SIAH1: variants seen among roughly 807,000 people sequenced by gnomAD.
SIAH1 encodes E3 ubiquitin-protein ligase SIAH1.
SIAH1 carries 2 observed loss-of-function variants against 20.0 expected under a neutral mutation model. That is an observed-to-expected ratio of 0.10 (90% CI 0.04 to 0.31). SIAH1 has a LOEUF of 0.31. Among genes scored for constraint, SIAH1 ranks in the 10% least tolerant of loss-of-function variants. SIAH1 has a pLI of 1.00. For missense variants in SIAH1, 119 were observed against 355.3 expected (o/e 0.33, Z 5.35); for synonymous variants, 118 against 125.3 (o/e 0.94, Z 0.39).
In SIAH1 at chr16:48,381,409, A is replaced by T. The variant is rs140943133; in HGVS notation, c.-3+3795T>A. On this transcript the variant is annotated intron_variant, in intron 1 of 1. Transcript: ENST00000394725. ...CCAGCAATCACATTCCTTGGCATTTACCCAAAGGAGTTACAAACTCATGGC... is the reference window on the plus strand; with the variant it reads ...CCAGCAATCACATTCCTTGGCATTTTCCCAAAGGAGTTACAAACTCATGGC... Among the ~76,000 whole-genome samples the T allele has an allele frequency of 1.9e-3, 292 of 152,310 alleles. 1 individual carries two copies. The highest frequency in any genetic ancestry group is 6.7e-3 in the African/African-American group (279 of 41,574).
chr16:48,386,381 C>G (rs955090218), upstream of SIAH1, among the ~76,000 whole-genome samples: 4 of 152,112 alleles, frequency 2.6e-5, no homozygotes, highest in Admixed American at 2.0e-4. Context: ...GTGGTGCACG[C>G]CTGTAGTCCC....
intron 1 of SIAH1, among the ~76,000 whole-genome samples, chr16:48,375,075 G>A (rs935247252): frequency 3.9e-5 from 6 of 152,300 alleles, no homozygotes; most frequent in African/African-American, 7.2e-5. Context: ...ACTTGAACCC[G>A]GGCACGGAGG....
chr16:48,374,801 T>C (rs1961064653), intron 1 of SIAH1, among the ~76,000 whole-genome samples: 1 of 152,180 alleles, frequency 6.6e-6, no homozygotes, highest in Admixed American at 6.5e-5. Flanking sequence ...AATCAGTTTA[T>C]TACATGGCTC....
chr16:48,365,278 C>T, intron 1 of SIAH1: 1 of 1,138,854 alleles, frequency 8.8e-7, no homozygotes. Context: ...CTGAGAACCT[C>T]GGAAACGTCT....
chr16:48,374,153 CTTA>C (rs1489955700), intron 1 of SIAH1, among the ~76,000 whole-genome samples: 2 of 152,150 alleles, frequency 1.3e-5, no homozygotes, highest in South Asian at 2.1e-4. Flanking sequence ...ACATAATTCA[CTTA>C]TTATTTTTTA....
rs79073186 is a variant in SIAH1, at chr16:48,370,805, C to CAAAAA, written c.-2-8380_-2-8376dup. On this transcript the variant is annotated intron_variant, in intron 1 of 1. Coordinates refer to ENST00000394725, the MANE Select transcript of SIAH1 (RefSeq NM_003031.4). ...TGGGCGACAGAGCAAGACTCCATCT[C>CAAAAA]AAAAAAAAAAAAAACAAATTTCAAG... Among the ~76,000 whole-genome samples, 351 of 125,316 alleles carry CAAAAA rather than the reference C, an allele frequency of 2.8e-3. 5 individuals are homozygous for CAAAAA. The highest frequency in any genetic ancestry group is 9.8e-3 in the African/African-American group (334 of 34,132). 82.2% of individuals were successfully genotyped at this position (125,316 alleles called of 152,430 possible). A position where few individuals can be genotyped will look rare whatever the true frequency, so the allele number is the denominator to read the frequency against.
At chr16:48,377,033 C>T (rs1003616306) in intron 1 of SIAH1, among the ~76,000 whole-genome samples, 4 of 152,198 alleles carry the variant, frequency 2.6e-5, no homozygotes, top group African/African-American at 4.8e-5. Context: ...TCAACCATCA[C>T]TAGACCAAGG....
intron 1 of SIAH1, among the ~76,000 whole-genome samples, chr16:48,383,927 C>T (rs1567378817): frequency 6.6e-6 from 1 of 152,184 alleles, no homozygotes; most frequent in African/African-American, 2.4e-5. Context: ...TTGTTGAGAA[C>T]TTAGTATGGG....
At chr16:48,364,940 T>C (rs2151046759) in intron 1 of SIAH1, 1 of 157,252 alleles carries the variant, frequency 6.4e-6, no homozygotes, top group Non-Finnish European at 1.4e-5. Flanking sequence ...TAGTTATACA[T>C]TTATCAACAA....
intron 1 of SIAH1, among the ~76,000 whole-genome samples, chr16:48,367,459 C>T (rs1244997495): frequency 2.6e-5 from 4 of 152,208 alleles, no homozygotes; most frequent in Non-Finnish European, 1.5e-5. Context: ...GTCATCTACA[C>T]TTGGATTCAG....
At chr16:48,379,284 T>G (rs1961195089) in intron 1 of SIAH1, among the ~76,000 whole-genome samples, 1 of 152,204 alleles carries the variant, frequency 6.6e-6, no homozygotes, top group Non-Finnish European at 1.5e-5. Context: ...ACTTAATAAC[T>G]GTTCATGTAC....
intron 1 of SIAH1, among the ~76,000 whole-genome samples, chr16:48,373,670 C>G (rs1257404762): frequency 6.6e-6 from 1 of 152,172 alleles, no homozygotes; most frequent in Admixed American, 6.5e-5. Flanking sequence ...ATGTTCTGAG[C>G]ACAGCAATTA....
intron 1 of SIAH1, chr16:48,365,718 A>C: frequency 7.0e-7 from 1 of 1,421,606 alleles, no homozygotes; most frequent in Non-Finnish European, 9.2e-7. Context: ...TGGGAGCCAC[A>C]GCTGCGCTGT....
At chr16:48,381,356 C>G (rs1370138813) in intron 1 of SIAH1, among the ~76,000 whole-genome samples, 5 of 152,122 alleles carry the variant, frequency 3.3e-5, no homozygotes, top group Non-Finnish European at 7.4e-5. Flanking sequence ...AAAACAGCAG[C>G]AAAACAACTA....
At chr16:48,380,927 T>TAAAAAAAA (rs1250709045) in intron 1 of SIAH1, among the ~76,000 whole-genome samples, 1 of 804 alleles carries the variant, frequency 1.2e-3, no homozygotes, top group African/African-American at 6.3e-3. Context: ...AGACTCCGTC[T>TAAAAAAAA]CAAAAAAAAA....
chr16:48,363,524 C>A (rs1163229555), intron 1 of SIAH1: 1 of 166,992 alleles, frequency 6.0e-6, no homozygotes, highest in African/African-American at 2.4e-5. Context: ...GAAAGTATAT[C>A]TTTCTGTTCT....
intron 1 of SIAH1, among the ~76,000 whole-genome samples, chr16:48,375,043 T>C (rs570548255): frequency 1.2e-4 from 19 of 152,274 alleles, no homozygotes; most frequent in African/African-American, 4.6e-4. Context: ...GAGGTCAAAG[T>C]GGTGGCTACG....
intron 1 of SIAH1, among the ~76,000 whole-genome samples, chr16:48,367,626 C>A (rs924063548): frequency 6.6e-6 from 1 of 152,210 alleles, no homozygotes; most frequent in African/African-American, 2.4e-5. Context: ...ATTGCCAAGT[C>A]ATCAATTAGT....
Position 48,361,367 on chromosome 16 carries a change from A to AT in SIAH1, c.*212dup. ...GCCCATCTTGGGTGTATATACATATATTTTTTCAGTGGTTTACTGTTGACT... is the reference window on the plus strand; with the variant it reads ...GCCCATCTTGGGTGTATATACATATATTTTTTTCAGTGGTTTACTGTTGACT... On this transcript the variant is annotated 3_prime_UTR_variant, in exon 2 of 2. Coordinates refer to ENST00000394725, the MANE Select transcript of SIAH1 (RefSeq NM_003031.4). 1 of 527,326 alleles carries AT rather than the reference A, an allele frequency of 1.9e-6. No individual in the cohort carries two copies. Among genetic ancestry groups the AT allele is most frequent in the Non-Finnish European group, 3.4e-6 (1 of 295,408 alleles). 32.7% of individuals were successfully genotyped at this position (527,326 alleles called of 1,614,324 possible). A position where few individuals can be genotyped will look rare whatever the true frequency, so the allele number is the denominator to read the frequency against.
Sources: gnomAD v4.1 joint callset for allele counts (sites outside exome capture counted in the v4.1 genomes callset) on GRCh38, gnomAD v4.1.1 for gene constraint, MANE v1.5 for transcripts, NCBI Gene and HGNC (gene_info 2026-07-23, HGNC 2026-07-21) for gene names.